PAM: variants seen among roughly 807,000 people sequenced by gnomAD.
PAM encodes the protein peptidyl-glycine alpha-amidating monooxygenase.
In PAM, 72 loss-of-function variants were observed where a neutral mutation model predicts 122.1. The observed-to-expected ratio is 0.59, with a 90% CI of 0.49 to 0.72. The LOEUF (loss-of-function observed/expected upper bound fraction) is 0.72, where lower values mean the gene tolerates loss of function less well. PAM is among the 30% of genes least tolerant of loss of function. The probability of loss-of-function intolerance (pLI) is 0.00; values close to 1 mark genes in which losing one functional copy is unlikely to be tolerated. For missense variants in PAM, 1,106 were observed against 1,183.7 expected, an observed-to-expected ratio of 0.93 and a Z score of 0.96; for synonymous variants, 389 against 404.4, an observed-to-expected ratio of 0.96 and a Z score of 0.46.
In PAM at chr5:102,775,405, G is replaced by A. The variant is rs187565278; in HGVS notation, c.-374+20057G>A. Among the ~76,000 whole-genome samples the A allele has an allele frequency of 3.4e-3, 518 of 152,154 alleles. 2 individuals are homozygous for A. Among genetic ancestry groups the A allele is most frequent in the Non-Finnish European group, 5.3e-3 (360 of 68,000 alleles). On this transcript the variant is annotated intron_variant, in intron 1 of 25. Transcript: ENST00000438793. ...GCAGGTTTGTTACATAGGTAAACGT[G>A]TGCCATGATGGTTTGCTTCACCTAT...
intron 1 of PAM, among the ~76,000 whole-genome samples, chr5:102,811,258 T>G (rs1767819498): frequency 6.6e-6 from 1 of 152,212 alleles, no homozygotes; most frequent in South Asian, 2.1e-4. Flanking sequence ...CTGACACAAG[T>G]CTCACTGCAC....
At chr5:102,959,079 G>A (rs13157269) in intron 12 of PAM, among the ~76,000 whole-genome samples, 5,993 of 152,130 alleles carry the variant, frequency 0.039, 163 homozygotes, top group Admixed American at 0.08. Flanking sequence ...TACATATTTT[G>A]TAAACTATTA....
intron 12 of PAM, among the ~76,000 whole-genome samples, chr5:102,958,684 A>C (rs1373480200): frequency 6.6e-6 from 1 of 152,186 alleles, no homozygotes; most frequent in East Asian, 1.9e-4. Context: ...TTCCCATGGC[A>C]GGGGCTTATT....
At chr5:102,857,927 G>T (rs1293975065) in intron 1 of PAM, among the ~76,000 whole-genome samples, 1 of 152,192 alleles carries the variant, frequency 6.6e-6, no homozygotes, top group Non-Finnish European at 1.5e-5. Context: ...GTGTTGAAGA[G>T]TATGGATTAA....
intron 3 of PAM, among the ~76,000 whole-genome samples, chr5:102,900,945 T>G (rs1797647763): frequency 6.6e-6 from 1 of 151,674 alleles, no homozygotes; most frequent in African/African-American, 2.4e-5. Context: ...TTCTCTAATA[T>G]TTGAGGCATT....
At position 102,778,605 on chromosome 5, in the gene PAM, CT is replaced by C. The variant is rs536729808; in HGVS notation, c.-374+23258del. On this transcript the variant is annotated intron_variant, in intron 1 of 25. Coordinates refer to ENST00000438793, the MANE Select transcript of PAM (RefSeq NM_001177306.2). ...ATTATTATTGTTTTCCTTCCAAAGC[CT>C]GGTCTGTGGCATTTTGTTCCAGAGG... Among the ~76,000 whole-genome samples the C allele has an allele frequency of 9.6e-4, 146 of 152,230 alleles. 1 individual carries two copies. The highest frequency in any genetic ancestry group is 3.3e-3 in the African/African-American group (139 of 41,536).
intron 3 of PAM, among the ~76,000 whole-genome samples, chr5:102,874,692 T>C (rs1480023664): frequency 6.6e-6 from 1 of 152,148 alleles, no homozygotes; most frequent in South Asian, 2.1e-4. Context: ...AAAAGACTCC[T>C]TATGATCACC....
chr5:102,888,744 T>A (rs1437785554), intron 3 of PAM, among the ~76,000 whole-genome samples: 1 of 152,012 alleles, frequency 6.6e-6, no homozygotes, highest in East Asian at 1.9e-4. Context: ...GTCTCTTTTC[T>A]GAGCCTCTCT....
intron 1 of PAM, among the ~76,000 whole-genome samples, chr5:102,789,515 G>T (rs112382116): frequency 1.3e-5 from 2 of 152,040 alleles, no homozygotes; most frequent in African/African-American, 2.4e-5. Context: ...AAGACATTAC[G>T]CTAGGTGAAA....
chr5:102,988,610 GAGGAAAGGAA>G (rs931885120), intron 15 of PAM, among the ~76,000 whole-genome samples: 1 of 140,566 alleles, frequency 7.1e-6, no homozygotes, highest in Non-Finnish European at 1.5e-5. Context: ...AAGGGAAAGG[GAGGAAAGGAA>G]AGGAAAGGGA....
At chr5:102,943,382 T>C (rs567203279) in intron 7 of PAM, among the ~76,000 whole-genome samples, 5 of 152,282 alleles carry the variant, frequency 3.3e-5, no homozygotes, top group African/African-American at 1.2e-4. Flanking sequence ...TAGTTTGGGA[T>C]GAATAACCTC....
intron 1 of PAM, among the ~76,000 whole-genome samples, chr5:102,766,926 A>ATTTTTTTTTTTTTTT: frequency 0.012 from 311 of 25,858 alleles, 121 homozygotes; most frequent in East Asian, 0.021. Context: ...TCAGTTGTGG[A>ATTTTTTTTTTTTTTT]TTTTTTTTTT....
intron 3 of PAM, among the ~76,000 whole-genome samples, chr5:102,887,996 C>A (rs1793670876): frequency 6.6e-6 from 1 of 152,010 alleles, no homozygotes; most frequent in African/African-American, 2.4e-5. Flanking sequence ...CCCCATGCCT[C>A]TTTTTCAGGG....
chr5:103,018,295 A>C (rs1350797158), intron 22 of PAM, among the ~76,000 whole-genome samples: 2 of 151,824 alleles, frequency 1.3e-5, no homozygotes, highest in Non-Finnish European at 2.9e-5. Flanking sequence ...GAAAAATATT[A>C]ATTATAAAAG....
chr5:102,965,680 A>C (rs1230864436), intron 14 of PAM, among the ~76,000 whole-genome samples: 1 of 151,944 alleles, frequency 6.6e-6, no homozygotes, highest in Non-Finnish European at 1.5e-5. Flanking sequence ...CAATCTTTCT[A>C]CTCAAAGGTC....
intron 1 of PAM, among the ~76,000 whole-genome samples, chr5:102,821,163 A>G: frequency 6.6e-6 from 1 of 152,208 alleles, no homozygotes; most frequent in Non-Finnish European, 1.5e-5. Context: ...TTTCAAGGTA[A>G]GGATTGGAGA....
chr5:102,834,371 A>G (rs987761089), intron 1 of PAM, among the ~76,000 whole-genome samples: 1 of 152,186 alleles, frequency 6.6e-6, no homozygotes, highest in Non-Finnish European at 1.5e-5. Flanking sequence ...ATGATCTTCT[A>G]TATTTCAGGC....
Position 103,009,772 on chromosome 5 carries a change from G to T in PAM, c.2237G>T (p.Gly746Val). The change falls in exon 21 of 26, where the codon GGG (glycine) becomes GTG (valine). Residue 746 changes from glycine to valine, a missense_variant. Physicochemically the swap from Gly to Val is moderately radical, Grantham distance 109 (BLOSUM62 -3). This residue lies in a region of PAM where 333 missense variants were observed against 335.6 expected (regional missense o/e 0.99). Transcript: ENST00000438793. ...YIPGLLFAVN[G>V]KPHFGDQEPV... ...GCAGGCTTGCTCTTTGCAGTGAATG[G>T]GAAGCCTCATTTTGGGGACCAAGAA... 6.2e-7 allele frequency: 1 copy of T among 1,609,864 alleles called. No individual in the cohort carries two copies. The highest frequency in any genetic ancestry group is 8.5e-7 in the Non-Finnish European group (1 of 1,176,390).
At chr5:102,913,220 T>C (rs1801974738) in intron 4 of PAM, among the ~76,000 whole-genome samples, 1 of 151,952 alleles carries the variant, frequency 6.6e-6, no homozygotes, top group African/African-American at 2.4e-5. Context: ...AGTTCATAGA[T>C]AATAATATAT....
Sources: allele counts gnomAD v4.1 joint callset (sites outside exome capture counted in the v4.1 genomes callset), GRCh38; gene constraint gnomAD v4.1.1; regional missense constraint gnomAD v4.1.1; transcripts MANE v1.5; gene names NCBI Gene and HGNC (gene_info 2026-07-23, HGNC 2026-07-21).